The following PALD1 variants were observed in gnomAD, a reference collection of about 807,000 sequenced individuals.
PALD1 encodes the protein phosphatase domain containing paladin 1.
Under a neutral mutation model 96.0 loss-of-function variants are expected in PALD1, and 57 were observed. The observed-to-expected ratio is 0.59, with a 90% CI of 0.48 to 0.74. PALD1 has a LOEUF of 0.74. PALD1 is among the 30% of genes least tolerant of loss of function. The pLI, the probability that PALD1 is intolerant of heterozygous loss-of-function variation, is 0.00. For missense variants in PALD1, 1,063 were observed against 1,143.7 expected, an observed-to-expected ratio of 0.93 and a Z score of 1.02; for synonymous variants, 464 against 473.6, an observed-to-expected ratio of 0.98 and a Z score of 0.26.
intron 7 of PALD1, among the ~76,000 whole-genome samples, chr10:70,533,333 CTGTG>C (rs1409458322): frequency 6.6e-6 from 1 of 151,598 alleles, no homozygotes; most frequent in African/African-American, 2.4e-5. Flanking sequence ...CTGTGTGTCT[CTGTG>C]TGGGGATACA....
intron 1 of PALD1, among the ~76,000 whole-genome samples, chr10:70,487,183 G>A (rs1262563911): frequency 1.4e-5 from 2 of 142,778 alleles, no homozygotes; most frequent in Admixed American, 1.5e-4. Context: ...GCCCAGGCTG[G>A]AGTGCAGTGG....
At chr10:70,484,012 G>GT (rs530233787) in intron 1 of PALD1, among the ~76,000 whole-genome samples, 32 of 151,962 alleles carry the variant, frequency 2.1e-4, no homozygotes, top group Non-Finnish European at 3.7e-4. Flanking sequence ...TTGTTTGTTT[G>GT]TTTTTTTTGA....
rs773726726 is a variant in PALD1, at chr10:70,538,861, G to A, written c.1453-31G>A. The A allele has an allele frequency of 1.1e-5, 17 of 1,584,502 alleles. No individual in the cohort carries two copies. In the South Asian group the frequency reaches 1.8e-4, roughly 16 times the overall value. Reference sequence around the variant, plus strand: ...CTTTCTGCGGCTACAGTCGGCTGCTGTGGGTCCCAGGCTTGGTGCTCTCCC... The same window carrying A: ...CTTTCTGCGGCTACAGTCGGCTGCTATGGGTCCCAGGCTTGGTGCTCTCCC... On this transcript the variant is annotated intron_variant, in intron 12 of 19. Coordinates refer to ENST00000263563, the MANE Select transcript of PALD1 (RefSeq NM_014431.3).
the PALD1 span, among the ~76,000 whole-genome samples, chr10:70,460,159 C>CT: frequency 6.6e-6 from 1 of 152,190 alleles, no homozygotes; most frequent in South Asian, 2.1e-4. Context: ...GCTCAGTCCT[C>CT]TTTGTCTTCT....
Position 70,497,735 on chromosome 10 carries a change from T to TTG in PALD1, c.-30+18690_-30+18691dup, listed in dbSNP as rs374050355. Among the ~76,000 whole-genome samples the TTG allele has an allele frequency of 7.4e-3, 1,114 of 151,308 alleles. 15 individuals are homozygous for TTG. Among genetic ancestry groups the TTG allele is most frequent in the African/African-American group, 0.024 (1,001 of 41,184 alleles). On this transcript the variant is annotated intron_variant, in intron 1 of 19. Coordinates refer to ENST00000263563, the MANE Select transcript of PALD1 (RefSeq NM_014431.3). Reference sequence around the variant, plus strand: ...GCGTGTGCCACCATGCCTGGCTAATTTGTGTGTGTGTGTGTATTTTTAGTA... The same window carrying TTG: ...GCGTGTGCCACCATGCCTGGCTAATTTGTGTGTGTGTGTGTGTATTTTTAGTA...
chr10:70,538,532 G>A, intron 12 of PALD1, 124 bp downstream of exon 12: 2 of 1,033,182 alleles, frequency 1.9e-6, no homozygotes, highest in Non-Finnish European at 2.8e-6. Flanking sequence ...GAGAGGCTGT[G>A]GGTGTTGGGA....
chr10:70,554,224 T>G (rs1460043996), intron 18 of PALD1, among the ~76,000 whole-genome samples: 1 of 151,508 alleles, frequency 6.6e-6, no homozygotes, highest in East Asian at 1.9e-4. Context: ...AGGTCGGGAG[T>G]TCAAGACCAG....
At chr10:70,512,424 T>A (rs1160693234) in intron 1 of PALD1, among the ~76,000 whole-genome samples, 1 of 152,208 alleles carries the variant, frequency 6.6e-6, no homozygotes, top group Non-Finnish European at 1.5e-5. Context: ...AGCCACATGC[T>A]GTAGGCCAGG....
intron 1 of PALD1, among the ~76,000 whole-genome samples, chr10:70,495,437 A>G (rs1180631483): frequency 1.3e-5 from 2 of 152,124 alleles, no homozygotes; most frequent in African/African-American, 2.4e-5. Flanking sequence ...TGTTTGTTGA[A>G]TGAGTAGTGA....
chr10:70,564,296 G>T (rs117649012), intron 18 of PALD1, 68 bp from the exon 19 acceptor site: 45,753 of 1,492,700 alleles, frequency 0.031, 804 homozygotes, highest in Admixed American at 0.048. Context: ...AGGGCAGCAG[G>T]GTGGCATGTT....
At chr10:70,468,702 CTGTGTG>C in the PALD1 span, among the ~76,000 whole-genome samples, 2,198 of 123,846 alleles carry the variant, frequency 0.018, 34 homozygotes, top group African/African-American at 0.05. Flanking sequence ...TGAGGCAGGA[CTGTGTG>C]TGTGTGTGTG....
At chr10:70,475,410 G>A (rs915527329), upstream of PALD1, among the ~76,000 whole-genome samples, 1 of 152,124 alleles carries the variant, frequency 6.6e-6, no homozygotes, top group African/African-American at 2.4e-5. Context: ...GGCTCAGGGC[G>A]AAATCACAGG....
chr10:70,474,296 C>T (rs1046710837), upstream of PALD1, among the ~76,000 whole-genome samples: 2 of 152,028 alleles, frequency 1.3e-5, no homozygotes, highest in African/African-American at 4.8e-5. Context: ...CGTGGTGGCT[C>T]ACACCTGTAA....
chr10:70,478,460 C>T (rs1845864177), upstream of PALD1, among the ~76,000 whole-genome samples: 1 of 152,218 alleles, frequency 6.6e-6, no homozygotes, highest in Non-Finnish European at 1.5e-5. Context: ...CTGCCTCTCG[C>T]AGCCAGGAGG....
At chr10:70,470,710 G>A in the PALD1 span, among the ~76,000 whole-genome samples, 1 of 151,536 alleles carries the variant, frequency 6.6e-6, no homozygotes, top group East Asian at 1.9e-4. Flanking sequence ...CTGGGTTCAA[G>A]CGATTCTCCT....
At chr10:70,487,423 G>T (rs974291297) in intron 1 of PALD1, among the ~76,000 whole-genome samples, 1 of 151,750 alleles carries the variant, frequency 6.6e-6, no homozygotes, top group African/African-American at 2.4e-5. Context: ...GTGAACCACC[G>T]CACCTGGCTG....
Position 70,540,299 on chromosome 10 carries a change from G to A in PALD1, c.1908+537G>A, listed in dbSNP as rs974936418. 6.6e-6 allele frequency among the ~76,000 whole-genome samples: 1 copy of A among 151,632 alleles called. No individual in the cohort carries two copies. The highest frequency in any genetic ancestry group is 2.4e-5 in the African/African-American group (1 of 41,248). On this transcript the variant is annotated intron_variant, in intron 15 of 19. Coordinates refer to ENST00000263563, the MANE Select transcript of PALD1 (RefSeq NM_014431.3). The surrounding 1 kb of genome is among the most constrained non-coding windows in gnomAD (Gnocchi z 4.2). Reference sequence around the variant, plus strand: ...TGGTGTGTGGAATGTGTGTGTGTGTGCATGTCTTTTTATGGAGTTTGTGAT... The same window carrying A: ...TGGTGTGTGGAATGTGTGTGTGTGTACATGTCTTTTTATGGAGTTTGTGAT...
rs111448769 is a variant in PALD1 at position 70,515,385 on chromosome 10, G to A, written c.-29-10538G>A. ...CTTACCAGACAAAGCAGAATGAGGAGAGTGATGTGATGATCGTGGTTGTTA... is the reference window on the plus strand; with the variant it reads ...CTTACCAGACAAAGCAGAATGAGGAAAGTGATGTGATGATCGTGGTTGTTA... On this transcript the variant is annotated intron_variant, in intron 1 of 19. Transcript: ENST00000263563. 8.6e-3 allele frequency among the ~76,000 whole-genome samples: 1,312 copies of A among 152,350 alleles called. 19 individuals carry two copies. Among genetic ancestry groups the A allele is most frequent in the African/African-American group, 0.03 (1,267 of 41,584 alleles).
intron 4 of PALD1, 64 bp downstream of exon 4, chr10:70,530,132 G>A (rs1846963779): frequency 1.4e-6 from 2 of 1,392,864 alleles, no homozygotes; most frequent in East Asian, 2.5e-5. Flanking sequence ...GCACCTTGGA[G>A]GGGCAGCTTT....
Sources: gnomAD v4.1 joint callset for allele counts (sites outside exome capture counted in the v4.1 genomes callset) on GRCh38, gnomAD v4.1.1 for gene constraint, Gnocchi (gnomAD v3.1) non-coding constraint, MANE v1.5 for transcripts, NCBI Gene and HGNC (gene_info 2026-07-23, HGNC 2026-07-21) for gene names.